The following PPP2R2B variants were observed in gnomAD, a reference collection of about 807,000 sequenced individuals.
PPP2R2B encodes the protein serine/threonine-protein phosphatase 2A 55 kDa regulatory subunit B beta isoform.
In PPP2R2B, 5 loss-of-function variants were observed where a neutral mutation model predicts 46.0. The observed-to-expected ratio is 0.11, with a 90% CI of 0.06 to 0.23. The LOEUF (loss-of-function observed/expected upper bound fraction) is 0.23. PPP2R2B is among the 10% of genes least tolerant of loss of function. The probability of loss-of-function intolerance (pLI) is 1.00; values close to 1 mark genes in which losing one functional copy is unlikely to be tolerated. For synonymous variants in PPP2R2B, 215 were observed against 206.7 expected (o/e 1.04, Z -0.34); for missense variants, 367 against 575.0 (o/e 0.64, Z 3.70).
intron 1 of PPP2R2B, among the ~76,000 whole-genome samples, chr5:146,998,082 A>T (rs1379646071): frequency 6.6e-6 from 1 of 152,226 alleles, no homozygotes; most frequent in Non-Finnish European, 1.5e-5. Flanking sequence ...TCATTATAGC[A>T]GAAAATAACT....
upstream of PPP2R2B, chr5:147,056,149 G>A (rs1757075073): frequency 1.4e-5 from 14 of 1,014,796 alleles, no homozygotes; most frequent in Non-Finnish European, 1.7e-5. Context: ...GGAGTAGTGA[G>A]GATAAGTGAC....
intron 1 of PPP2R2B, among the ~76,000 whole-genome samples, chr5:147,037,074 G>C (rs932490345): frequency 5.9e-5 from 9 of 152,118 alleles, no homozygotes; most frequent in African/African-American, 2.2e-4. Flanking sequence ...TTAGCATACA[G>C]TAGAGCACAG....
intron 2 of PPP2R2B, among the ~76,000 whole-genome samples, chr5:146,740,159 G>C (rs927834053): frequency 1.3e-5 from 2 of 152,166 alleles, no homozygotes; most frequent in African/African-American, 4.8e-5. Context: ...GCTAAATGGT[G>C]GTTCTCACCA....
At chr5:146,829,341 G>T (rs566357323) in intron 2 of PPP2R2B, among the ~76,000 whole-genome samples, 1 of 152,300 alleles carries the variant, frequency 6.6e-6, no homozygotes, top group African/African-American at 2.4e-5. Context: ...ACAATTGTAG[G>T]TTGCCAAAGA....
chr5:146,953,721 A>T (rs1188746866), intron 1 of PPP2R2B, among the ~76,000 whole-genome samples: 2 of 152,156 alleles, frequency 1.3e-5, no homozygotes, highest in Admixed American at 1.3e-4. Context: ...CACAATCTCC[A>T]TTAATTTTAT....
At chr5:146,930,082 A>AT (rs1210264618) in intron 1 of PPP2R2B, among the ~76,000 whole-genome samples, 2 of 152,190 alleles carry the variant, frequency 1.3e-5, no homozygotes, top group Non-Finnish European at 2.9e-5. Context: ...ATAGATGAAC[A>AT]TTTTCTGATA....
upstream of PPP2R2B, among the ~76,000 whole-genome samples, chr5:146,880,708 T>G (rs1762138510): frequency 6.6e-6 from 1 of 152,192 alleles, no homozygotes; most frequent in African/African-American, 2.4e-5. Context: ...AGGCTGTGCT[T>G]GAGGAATTTT....
intron 2 of PPP2R2B, among the ~76,000 whole-genome samples, chr5:146,796,827 C>G (rs1327717775): frequency 6.6e-6 from 1 of 152,120 alleles, no homozygotes; most frequent in African/African-American, 2.4e-5. Flanking sequence ...GCCATTGATT[C>G]TTAGTGAGTA....
chr5:146,837,742 T>C (rs1190361005), intron 2 of PPP2R2B, among the ~76,000 whole-genome samples: 3 of 152,228 alleles, frequency 2.0e-5, no homozygotes, highest in Non-Finnish European at 4.4e-5. Flanking sequence ...TATTTTACAC[T>C]TTCAGCATAT....
intron 7 of PPP2R2B, among the ~76,000 whole-genome samples, chr5:146,628,296 A>G (rs570036935): frequency 6.6e-6 from 1 of 152,276 alleles, no homozygotes; most frequent in East Asian, 1.9e-4. Context: ...CCCCCTCAGC[A>G]TGAAAAAGTC....
chr5:146,740,021 T>C (rs899969930), intron 2 of PPP2R2B, among the ~76,000 whole-genome samples: 3 of 152,208 alleles, frequency 2.0e-5, no homozygotes, highest in Admixed American at 1.3e-4. Context: ...TGAGATATTA[T>C]CATTTTCATC....
intron 1 of PPP2R2B, among the ~76,000 whole-genome samples, chr5:146,978,970 A>G (rs1384230996): frequency 6.6e-6 from 1 of 152,204 alleles, no homozygotes; most frequent in Non-Finnish European, 1.5e-5. Context: ...ATGTTAGTTC[A>G]TGCATATCAC....
At chr5:146,702,794 C>T (rs1238478980) in intron 2 of PPP2R2B, among the ~76,000 whole-genome samples, 1 of 152,180 alleles carries the variant, frequency 6.6e-6, no homozygotes, top group African/African-American at 2.4e-5. Context: ...AATAGGCTAT[C>T]TCATTCCAAT....
chr5:146,688,420 C>A (rs1724503645), intron 5 of PPP2R2B, among the ~76,000 whole-genome samples: 1 of 151,908 alleles, frequency 6.6e-6, no homozygotes, highest in East Asian at 1.9e-4. Flanking sequence ...GTTGAAAATG[C>A]AGATTCCTCT....
At chr5:146,804,941 G>A (rs1310252544) in intron 2 of PPP2R2B, among the ~76,000 whole-genome samples, 1 of 152,104 alleles carries the variant, frequency 6.6e-6, no homozygotes, top group African/African-American at 2.4e-5. Context: ...TTTAATTTGA[G>A]GGGAATATAA....
chr5:146,877,008 G>C (rs1761932739), intron 2 of PPP2R2B, among the ~76,000 whole-genome samples: 1 of 152,134 alleles, frequency 6.6e-6, no homozygotes, highest in Non-Finnish European at 1.5e-5. Context: ...TTGTCCTAAA[G>C]CATTTCCACA....
chr5:146,948,226 G>T (rs1263219960), intron 1 of PPP2R2B, among the ~76,000 whole-genome samples: 1 of 152,074 alleles, frequency 6.6e-6, no homozygotes, highest in Non-Finnish European at 1.5e-5. Flanking sequence ...TTACGGGCAT[G>T]AGCTGTCTTT....
intron 4 of PPP2R2B, among the ~76,000 whole-genome samples, chr5:146,692,763 T>C (rs1778939206): frequency 6.6e-6 from 1 of 151,918 alleles, no homozygotes; most frequent in Non-Finnish European, 1.5e-5. Flanking sequence ...CTCGATCTCC[T>C]GACCTCTTGA....
chr5:146,871,137 A>G (rs1761591238), intron 2 of PPP2R2B, among the ~76,000 whole-genome samples: 1 of 152,244 alleles, frequency 6.6e-6, no homozygotes, highest in South Asian at 2.1e-4. Flanking sequence ...GGTGGTAAAG[A>G]TGACAAGTTG....
Sources: gnomAD v4.1 joint callset for allele counts (sites outside exome capture counted in the v4.1 genomes callset) on GRCh38, gnomAD v4.1.1 for gene constraint, MANE v1.5 for transcripts, NCBI Gene and HGNC (gene_info 2026-07-23, HGNC 2026-07-21) for gene names.